TRHDE: variants seen among roughly 807,000 people sequenced by gnomAD.
TRHDE encodes thyrotropin-releasing hormone-degrading ectoenzyme.
TRHDE carries 72 observed loss-of-function variants against 125.7 expected under a neutral mutation model. That is an observed-to-expected ratio of 0.57 (90% confidence interval 0.47 to 0.70). The LOEUF (loss-of-function observed/expected upper bound fraction) is 0.70, where lower values mean the gene tolerates loss of function less well. Among genes scored for constraint, TRHDE ranks in the 30% least tolerant of loss-of-function variants. The pLI is 0.00. For missense variants in TRHDE, 1,110 were observed against 1,327.1 expected (o/e 0.84, Z 2.54); for synonymous variants, 509 against 509.1 (o/e 1.00, Z 0.00).
In TRHDE at chr12:72,272,740, G is replaced by GAGA. The variant is rs1387070355; in HGVS notation, c.99_100insAAG (p.Glu33_Gly34insLys). 3 of 1,489,396 alleles carry GAGA rather than the reference G, an allele frequency of 2.0e-6. No individual in the cohort carries two copies. Among genetic ancestry groups the GAGA allele is most frequent in the Non-Finnish European group, 1.8e-6 (2 of 1,116,786 alleles). 92.3% of individuals were successfully genotyped at this position (1,489,396 alleles called of 1,614,324 possible). On this transcript the variant is annotated inframe_insertion, in exon 1 of 19. Coordinates refer to ENST00000261180, the MANE Select transcript of TRHDE (RefSeq NM_013381.3). This position sits in a 1 kb window ranked among gnomAD's most constrained non-coding sequence, Gnocchi z 6.7. ...GAAGAAGGAGGAGGAGGAGGAGGAG[G>GAGA]AGGGGGCCGAGAAGAGCAGCTCACC... is the stretch of plus-strand genomic sequence containing the variant.
At chr12:72,490,659 G>T (rs1428021471) in intron 5 of TRHDE, among the ~76,000 whole-genome samples, 3 of 149,754 alleles carry the variant, frequency 2.0e-5, no homozygotes, top group African/African-American at 4.9e-5. Context: ...CTTGCCATTT[G>T]TCATACCATG....
At chr12:72,244,883 G>A (rs1878546210) in intron 2 of TRHDE, among the ~76,000 whole-genome samples, 1 of 151,924 alleles carries the variant, frequency 6.6e-6, no homozygotes, top group Admixed American at 6.6e-5. Context: ...GTGTAGACAC[G>A]ATTCTATTTT....
intron 4 of TRHDE, among the ~76,000 whole-genome samples, chr12:72,472,298 T>A (rs77311033): frequency 0.039 from 5,884 of 152,286 alleles, 369 homozygotes; most frequent in African/African-American, 0.13. Context: ...TGGCATATAA[T>A]GTATTTTTTG....
intron 1 of TRHDE, among the ~76,000 whole-genome samples, chr12:72,101,841 A>C (rs970781691): frequency 3.3e-5 from 5 of 152,248 alleles, no homozygotes; most frequent in African/African-American, 1.2e-4. Context: ...GAAATGGTAC[A>C]GCGTGGGTAC....
At chr12:72,363,021 T>G (rs535512468) in intron 2 of TRHDE, among the ~76,000 whole-genome samples, 1,734 of 152,174 alleles carry the variant, frequency 0.011, 29 homozygotes, top group African/African-American at 0.04. Context: ...TTTGTTCTTT[T>G]GGCTTAGGAT....
At chr12:72,319,219 T>C (rs1712641726) in intron 2 of TRHDE, among the ~76,000 whole-genome samples, 1 of 152,150 alleles carries the variant, frequency 6.6e-6, no homozygotes, top group African/African-American at 2.4e-5. Context: ...GTAGCCTTCG[T>C]TGCTTTCTGA....
intron 3 of TRHDE, among the ~76,000 whole-genome samples, chr12:72,398,446 G>T (rs969955169): frequency 2.0e-5 from 3 of 152,202 alleles, no homozygotes; most frequent in Middle Eastern, 3.4e-3. Context: ...ACGTTCCATT[G>T]TATTATGTAC....
At chr12:72,567,311 ATG>A (rs1491344283) in intron 9 of TRHDE, among the ~76,000 whole-genome samples, 2 of 150,408 alleles carry the variant, frequency 1.3e-5, no homozygotes, top group Non-Finnish European at 3.0e-5. Context: ...GCCCTCCAAA[ATG>A]TTTTTTTTTC....
At chr12:72,606,509 T>A (rs1451939887) in intron 12 of TRHDE, among the ~76,000 whole-genome samples, 1 of 152,084 alleles carries the variant, frequency 6.6e-6, no homozygotes, top group African/African-American at 2.4e-5. Flanking sequence ...GTCTTTTAAC[T>A]CACGATGACG....
At chr12:72,361,099 G>A (rs139049935) in intron 2 of TRHDE, among the ~76,000 whole-genome samples, 18 of 151,746 alleles carry the variant, frequency 1.2e-4, no homozygotes, top group Non-Finnish European at 2.4e-4. Context: ...CTGTTCCTGC[G>A]CTAGTTTGCT....
intron 3 of TRHDE, among the ~76,000 whole-genome samples, chr12:72,446,150 CT>C (rs34777250): frequency 2.6e-3 from 345 of 133,212 alleles, no homozygotes; most frequent in Non-Finnish European, 3.1e-3. Context: ...TTGTGCATTT[CT>C]TTTTTTTTTT....
chr12:72,188,646 G>A (rs1877277437), intron 2 of TRHDE, among the ~76,000 whole-genome samples: 3 of 152,190 alleles, frequency 2.0e-5, no homozygotes, highest in Non-Finnish European at 2.9e-5. Flanking sequence ...TGATGTTGCT[G>A]TGTGAAAATG....
chr12:72,504,140 A>G (rs1878266770), intron 6 of TRHDE, among the ~76,000 whole-genome samples: 1 of 152,168 alleles, frequency 6.6e-6, no homozygotes, highest in Non-Finnish European at 1.5e-5. Context: ...GTAAAAAAAC[A>G]AGAAAATCAT....
At chr12:72,628,881 C>G (rs1316484510) in intron 15 of TRHDE, among the ~76,000 whole-genome samples, 1 of 151,718 alleles carries the variant, frequency 6.6e-6, no homozygotes, top group Non-Finnish European at 1.5e-5. Context: ...TTCTTTTCAA[C>G]TAAGCTTTTC....
intron 7 of TRHDE, among the ~76,000 whole-genome samples, chr12:72,542,565 ATC>A (rs1869209935): frequency 6.6e-6 from 1 of 151,378 alleles, no homozygotes; most frequent in African/African-American, 2.4e-5. Flanking sequence ...ACAATTTAGA[ATC>A]TGTTTGATTT....
chr12:72,318,548 GT>G, intron 2 of TRHDE, among the ~76,000 whole-genome samples: 1 of 152,172 alleles, frequency 6.6e-6, no homozygotes, highest in Admixed American at 6.5e-5. Context: ...CCCTGAGATT[GT>G]TTTTCCCAAG....
chr12:72,575,250 T>A lies in TRHDE; in HGVS notation c.2132-5T>A, dbSNP rs1443629893. 1.2e-6 allele frequency: 2 copies of A among 1,611,026 alleles called. No individual in the cohort carries two copies. The highest frequency in any genetic ancestry group is 2.2e-5 in the South Asian group (2 of 90,402). Reference sequence around the variant, plus strand: ...TGAAATCTATCCCAAAAATGCTTTTTTCAGAGCACCACAGAATAACTTATT... The same window carrying A: ...TGAAATCTATCCCAAAAATGCTTTTATCAGAGCACCACAGAATAACTTATT... On this transcript the variant is annotated splice_polypyrimidine_tract_variant and splice_region_variant and intron_variant, in intron 10 of 18. Coordinates refer to ENST00000261180, the MANE Select transcript of TRHDE (RefSeq NM_013381.3).
intron 2 of TRHDE, among the ~76,000 whole-genome samples, chr12:72,172,716 A>C (rs750184588): frequency 6.6e-6 from 1 of 152,214 alleles, no homozygotes; most frequent in Admixed American, 6.5e-5. Context: ...TAAAGTTTTC[A>C]TCAGTGTCCT....
chr12:72,477,339 G>A (rs1158636508), intron 5 of TRHDE, among the ~76,000 whole-genome samples: 1 of 152,050 alleles, frequency 6.6e-6, no homozygotes, highest in Non-Finnish European at 1.5e-5. Context: ...AAATAAACTT[G>A]GTATCTAGAT....
Sources: gnomAD v4.1 joint callset for allele counts (sites outside exome capture counted in the v4.1 genomes callset) on GRCh38, gnomAD v4.1.1 for gene constraint, Gnocchi (gnomAD v3.1) non-coding constraint, MANE v1.5 for transcripts, NCBI Gene and HGNC (gene_info 2026-07-23, HGNC 2026-07-21) for gene names.